Variants in TAFA1 observed in about 807,000 individuals in gnomAD.
TAFA1 encodes the protein TAFA chemokine like family member 1.
Under a neutral mutation model 18.5 loss-of-function variants are expected in TAFA1, and 4 were observed. The ratio of observed to expected loss-of-function variants is 0.22; its 90% CI spans 0.11 to 0.49. The LOEUF (loss-of-function observed/expected upper bound fraction) is 0.49, where lower values mean the gene tolerates loss of function less well. Among genes scored for constraint, TAFA1 ranks in the 20% least tolerant of loss-of-function variants. The pLI is 0.98. For missense variants in TAFA1, 147 were observed against 169.0 expected (o/e 0.87, Z 0.72); for synonymous variants, 56 against 55.2 (o/e 1.01, Z -0.06).
chr3:68,383,524 G>A (rs955755044), intron 2 of TAFA1, among the ~76,000 whole-genome samples: 6 of 152,024 alleles, frequency 3.9e-5, no homozygotes, highest in Non-Finnish European at 8.8e-5. Flanking sequence ...CATTCCAGGG[G>A]TGAAGCCTAC....
intron 2 of TAFA1, among the ~76,000 whole-genome samples, chr3:68,068,076 A>G (rs1366911555): frequency 6.6e-6 from 1 of 152,204 alleles, no homozygotes; most frequent in Non-Finnish European, 1.5e-5. Flanking sequence ...CAGCAACTCA[A>G]GAAAATAAGT....
At chr3:68,527,338 G>A (rs2073123683) in intron 3 of TAFA1, among the ~76,000 whole-genome samples, 1 of 152,104 alleles carries the variant, frequency 6.6e-6, no homozygotes, top group Non-Finnish European at 1.5e-5. Flanking sequence ...CTTGTCACCA[G>A]AGCATACAGC....
chr3:68,328,951 A>T (rs1006299667), intron 2 of TAFA1, among the ~76,000 whole-genome samples: 20 of 152,074 alleles, frequency 1.3e-4, no homozygotes, highest in Admixed American at 1.3e-3. Flanking sequence ...ACAAAATGGC[A>T]TCATGGTTCC....
At chr3:68,148,155 C>T (rs1208296566) in intron 2 of TAFA1, among the ~76,000 whole-genome samples, 4 of 152,136 alleles carry the variant, frequency 2.6e-5, no homozygotes, top group Non-Finnish European at 4.4e-5. Context: ...ATTTGCTTGT[C>T]ATTTTTTCTC....
At chr3:68,059,504 C>T (rs2064576006) in intron 2 of TAFA1, among the ~76,000 whole-genome samples, 1 of 152,164 alleles carries the variant, frequency 6.6e-6, no homozygotes, top group Non-Finnish European at 1.5e-5. Context: ...CTGGAAGGAA[C>T]AGTACCCATC....
chr3:68,205,910 A>T lies in TAFA1; in HGVS notation c.118+199166A>T, dbSNP rs114539404. Among the ~76,000 whole-genome samples, 1,033 of 152,010 alleles carry T rather than the reference A, an allele frequency of 6.8e-3. 9 individuals are homozygous for T. Among genetic ancestry groups the T allele is most frequent in the African/African-American group, 0.024 (984 of 41,512 alleles). On this transcript the variant is annotated intron_variant, in intron 2 of 4. Transcript: ENST00000478136. ...CTGAGCTTTCAGGAGATGTGCAAAA[A>T]TACTCAGTGGTTATAATGCATTAGA...
chr3:68,445,586 T>C (rs2071461484), intron 3 of TAFA1, among the ~76,000 whole-genome samples: 1 of 152,156 alleles, frequency 6.6e-6, no homozygotes. Flanking sequence ...GTTCCAGCTG[T>C]AAACTGACTA....
intron 3 of TAFA1, among the ~76,000 whole-genome samples, chr3:68,472,109 C>T (rs2072007189): frequency 6.6e-6 from 1 of 152,078 alleles, no homozygotes; most frequent in Non-Finnish European, 1.5e-5. Flanking sequence ...TATGGTTTGA[C>T]TGTGTCCCCA....
chr3:68,217,492 G>A (rs1450578780), intron 2 of TAFA1, among the ~76,000 whole-genome samples: 3 of 152,046 alleles, frequency 2.0e-5, no homozygotes, highest in Admixed American at 1.3e-4. Flanking sequence ...TGGATGGATG[G>A]GATCCTAGAA....
chr3:68,063,059 A>G (rs1181924075), intron 2 of TAFA1, among the ~76,000 whole-genome samples: 1 of 152,226 alleles, frequency 6.6e-6, no homozygotes, highest in Non-Finnish European at 1.5e-5. Context: ...AGATTAAAAA[A>G]ACAGGCTCAG....
chr3:68,329,091 T>C (rs1413408313), intron 2 of TAFA1, among the ~76,000 whole-genome samples: 1 of 147,706 alleles, frequency 6.8e-6, no homozygotes. Flanking sequence ...ACTTTTTTGT[T>C]TTTTTTTTTT....
chr3:68,376,013 C>T lies in TAFA1; in HGVS notation c.119-41267C>T, dbSNP rs1219610357. On this transcript the variant is annotated intron_variant, in intron 2 of 4. Transcript: ENST00000478136. ...TAATTAAGTGATGTTTTTCATTGACCATCTACTCTGTTTTAAACTTTATCT... is the reference window on the plus strand; with the variant it reads ...TAATTAAGTGATGTTTTTCATTGACTATCTACTCTGTTTTAAACTTTATCT... 2.0e-5 allele frequency among the ~76,000 whole-genome samples: 3 copies of T among 152,058 alleles called. No individual in the cohort carries two copies. The East Asian group carries it at 5.8e-4, about 29-fold the overall frequency.
chr3:68,427,346 G>A (rs984351465), intron 3 of TAFA1, among the ~76,000 whole-genome samples: 2 of 151,792 alleles, frequency 1.3e-5, no homozygotes, highest in African/African-American at 4.8e-5. Flanking sequence ...GCCTAGATAA[G>A]GCAGGATTCT....
chr3:68,011,826 G>A (rs1227028732), intron 2 of TAFA1, among the ~76,000 whole-genome samples: 1 of 152,158 alleles, frequency 6.6e-6, no homozygotes, highest in East Asian at 1.9e-4. Context: ...GAGTCAGGGT[G>A]CAGCTATTGA....
At chr3:68,086,534 A>G (rs1186998675) in intron 2 of TAFA1, among the ~76,000 whole-genome samples, 1 of 152,226 alleles carries the variant, frequency 6.6e-6, no homozygotes, top group Non-Finnish European at 1.5e-5. Context: ...TAAACTTCTT[A>G]TAGAACTGTA....
rs539003880 is a variant in TAFA1, at chr3:68,384,655, G to A, written c.119-32625G>A. On this transcript the variant is annotated intron_variant, in intron 2 of 4. Coordinates refer to ENST00000478136, the MANE Select transcript of TAFA1 (RefSeq NM_213609.4). ...ATATATATTCTGTTGTTTTGGGGTA[G>A]AGAATTCTGTAGATGTTTATCAGTT... Among the ~76,000 whole-genome samples the A allele has an allele frequency of 4.6e-5, 7 of 152,130 alleles. 2 individuals are homozygous for A. Among genetic ancestry groups the A allele is most frequent in the African/African-American group, 1.4e-4 (6 of 41,544 alleles).
At chr3:68,095,498 C>T (rs552937979) in intron 2 of TAFA1, among the ~76,000 whole-genome samples, 2 of 152,202 alleles carry the variant, frequency 1.3e-5, no homozygotes, top group South Asian at 4.1e-4. Context: ...ACCCACTTTC[C>T]ATGGTGTTAT....
intron 2 of TAFA1, among the ~76,000 whole-genome samples, chr3:68,243,412 A>G (rs1481435252): frequency 6.6e-6 from 1 of 151,928 alleles, no homozygotes; most frequent in African/African-American, 2.4e-5. Context: ...ACGATATTTA[A>G]TGTAACATTG....
chr3:68,146,998 C>T (rs2106913382), intron 2 of TAFA1, among the ~76,000 whole-genome samples: 1 of 150,538 alleles, frequency 6.6e-6, no homozygotes, highest in East Asian at 1.9e-4. Flanking sequence ...TTTAAAATAC[C>T]TCTTGTGTGT....
Sources: allele counts gnomAD v4.1 joint callset (sites outside exome capture counted in the v4.1 genomes callset), GRCh38; gene constraint gnomAD v4.1.1; transcripts MANE v1.5; gene names NCBI Gene and HGNC (gene_info 2026-07-23, HGNC 2026-07-21).